The following CCDC170 variants were observed in gnomAD, a reference collection of about 807,000 sequenced individuals.
The protein encoded by CCDC170 is coiled-coil domain-containing protein 170.
Under a neutral mutation model 72.6 loss-of-function variants are expected in CCDC170, and 69 were observed. The observed-to-expected ratio is 0.95, with a 90% CI of 0.78 to 1.16. The LOEUF is 1.16. Ranked by LOEUF, CCDC170 falls within the 50% of genes most tolerant of loss-of-function variation. The pLI, the probability that CCDC170 is intolerant of heterozygous loss-of-function variation, is 0.00. For missense variants in CCDC170, 852 were observed against 832.5 expected (o/e 1.02, Z -0.29); for synonymous variants, 300 against 303.9 (o/e 0.99, Z 0.13).
At chr6:151,558,232 G>GTTTTTTT (rs55648936) in intron 5 of CCDC170, among the ~76,000 whole-genome samples, 115 of 70,834 alleles carry the variant, frequency 1.6e-3, no homozygotes, top group Non-Finnish European at 1.9e-3. Context: ...TGAGATTAGT[G>GTTTTTTT]TTTTTTTTTT....
Position 151,536,410 on chromosome 6 carries a change from A to C in CCDC170, c.150A>C (p.Ala50=). The part of the protein sequence containing the change: ...NVAQNARSEL[A]ATLVKFECAQ... The stretch of plus-strand genomic sequence containing the variant: ...CTCAAAATGCTCGAAGTGAACTTGC[A>C]GCAACTTTGGTCAAATTTGAATGTG... Residue 50 remains alanine (A), a synonymous_variant, in exon 2 of 11, where the codon GCA becomes GCC. Transcript: ENST00000239374. 5 of 1,614,146 alleles carry C rather than the reference A, an allele frequency of 3.1e-6. No homozygotes were observed. The highest frequency in any genetic ancestry group is 4.2e-6 in the Non-Finnish European group (5 of 1,180,020).
intron 5 of CCDC170, among the ~76,000 whole-genome samples, chr6:151,566,402 T>C (rs1431825936): frequency 2.6e-5 from 4 of 152,154 alleles, no homozygotes; most frequent in African/African-American, 9.7e-5. Context: ...TTTCAAACTA[T>C]CTTTGGGGAA....
intron 6 of CCDC170, among the ~76,000 whole-genome samples, chr6:151,578,931 A>T (rs1776343135): frequency 6.6e-6 from 1 of 152,192 alleles, no homozygotes; most frequent in Non-Finnish European, 1.5e-5. Flanking sequence ...TGGTGAAATC[A>T]ATGCATAGTT....
Position 151,496,394 on chromosome 6 carries a change from C to G in CCDC170, c.57+2209C>G, listed in dbSNP as rs142387591. On this transcript the variant is annotated intron_variant, in intron 1 of 10. Transcript: ENST00000239374. ...CTACAAAAGGAAAATGTCCATTAAG[C>G]ATGAGATTTTAATTGGCTTAAAATA... 1.6e-3 allele frequency among the ~76,000 whole-genome samples: 249 copies of G among 152,238 alleles called. 1 individual carries two copies. Among genetic ancestry groups the G allele is most frequent in the African/African-American group, 5.5e-3 (230 of 41,534 alleles).
intron 7 of CCDC170, among the ~76,000 whole-genome samples, chr6:151,586,723 T>C (rs1051130527): frequency 1.3e-5 from 2 of 152,148 alleles, no homozygotes; most frequent in African/African-American, 2.4e-5. Flanking sequence ...CTTTACTCTG[T>C]AGAATATGAA....
chr6:151,500,851 A>G (rs1781983669), intron 1 of CCDC170, among the ~76,000 whole-genome samples: 1 of 152,166 alleles, frequency 6.6e-6, no homozygotes, highest in African/African-American at 2.4e-5. Flanking sequence ...AATATTTTAA[A>G]CATATCTCTT....
chr6:151,526,094 T>TCC (rs1393533727), intron 1 of CCDC170, among the ~76,000 whole-genome samples: 3,677 of 144,804 alleles, frequency 0.025, 161 homozygotes, highest in African/African-American at 0.092. Flanking sequence ...CTTCCTTCCT[T>TCC]TCTTCCTTCC....
chr6:151,576,419 T>G (rs1449357947), intron 6 of CCDC170, among the ~76,000 whole-genome samples: 3 of 151,952 alleles, frequency 2.0e-5, no homozygotes, highest in African/African-American at 4.8e-5. Flanking sequence ...TTTTTTTTTT[T>G]GCCATTTCAT....
intron 1 of CCDC170, among the ~76,000 whole-genome samples, chr6:151,532,919 T>C (rs1157982526): frequency 6.6e-6 from 1 of 152,270 alleles, no homozygotes; most frequent in African/African-American, 2.4e-5. Context: ...TCTGTGTTTG[T>C]CTGTAGGCAT....
intron 7 of CCDC170, among the ~76,000 whole-genome samples, chr6:151,587,101 A>G (rs1776462722): frequency 6.6e-6 from 1 of 151,916 alleles, no homozygotes; most frequent in African/African-American, 2.4e-5. Context: ...AGTATTTTAG[A>G]AAGATAGCGT....
chr6:151,567,496 T>G (rs1776154412), intron 5 of CCDC170, among the ~76,000 whole-genome samples: 1 of 152,194 alleles, frequency 6.6e-6, no homozygotes, highest in Non-Finnish European at 1.5e-5. Context: ...CCTCCCAAAG[T>G]GCTGGAATTA....
chr6:151,544,263 C>T (rs143316330), intron 3 of CCDC170, among the ~76,000 whole-genome samples: 2,104 of 152,232 alleles, frequency 0.014, 54 homozygotes, highest in African/African-American at 0.048. Context: ...CACGTGCCTC[C>T]ATTTTTAGAG....
chr6:151,505,244 A>T (rs1377866378), intron 1 of CCDC170, among the ~76,000 whole-genome samples: 3 of 152,104 alleles, frequency 2.0e-5, no homozygotes, highest in Non-Finnish European at 4.4e-5. Context: ...TGGAGTGTTT[A>T]TGCCCACCAA....
chr6:151,617,436 T>C (rs1583054730), intron 10 of CCDC170, among the ~76,000 whole-genome samples: 1 of 45,258 alleles, frequency 2.2e-5, no homozygotes, highest in Non-Finnish European at 4.7e-5. Flanking sequence ...TTTTTTTTTT[T>C]TTTTTTTTTT....
intron 9 of CCDC170, among the ~76,000 whole-genome samples, chr6:151,603,807 G>C (rs1002329351): frequency 2.0e-5 from 3 of 152,176 alleles, no homozygotes; most frequent in African/African-American, 7.2e-5. Flanking sequence ...TCAGGAAGGA[G>C]GGACAGTGGA....
chr6:151,616,043 G>T (rs1047113293), intron 10 of CCDC170, among the ~76,000 whole-genome samples: 8 of 152,120 alleles, frequency 5.3e-5, no homozygotes, highest in Non-Finnish European at 1.0e-4. Flanking sequence ...GAAAGGAAAA[G>T]ACATTCTTAT....
intron 6 of CCDC170, among the ~76,000 whole-genome samples, chr6:151,578,032 A>G (rs999709204): frequency 2.0e-5 from 3 of 152,104 alleles, no homozygotes; most frequent in African/African-American, 4.8e-5. Flanking sequence ...CCCGATTATC[A>G]TTCTCCTGCT....
rs1024970184 is a variant in CCDC170 at position 151,615,784 on chromosome 6, CTG to C, written c.1947+107_1947+108del. 4.6e-6 allele frequency: 4 copies of C among 863,266 alleles called. No homozygotes were observed. The South Asian group carries it at 4.9e-5, about 11-fold the overall frequency. 53.5% of individuals were successfully genotyped at this position (863,266 alleles called of 1,614,324 possible). A position where few individuals can be genotyped will look rare whatever the true frequency, so the allele number is the denominator to read the frequency against. ...GCATTTCTTTTTAAAAAAGTTTGGA[CTG>C]TTTCATGAATTTGTATGTCATCGTT... On this transcript the variant is annotated intron_variant, in intron 10 of 10. Coordinates refer to ENST00000239374, the MANE Select transcript of CCDC170 (RefSeq NM_025059.4).
intron 3 of CCDC170, among the ~76,000 whole-genome samples, chr6:151,543,394 T>C (rs1252450219): frequency 2.6e-5 from 4 of 152,110 alleles, no homozygotes; most frequent in Admixed American, 1.3e-4. Context: ...CAATGTATAA[T>C]GATCAAATCA....
Sources: gnomAD v4.1 joint callset for allele counts (sites outside exome capture counted in the v4.1 genomes callset) on GRCh38, gnomAD v4.1.1 for gene constraint, MANE v1.5 for transcripts, NCBI Gene and HGNC (gene_info 2026-07-23, HGNC 2026-07-21) for gene names.